Variants in CSMD2 observed in about 807,000 individuals in gnomAD.
The protein encoded by CSMD2 is CUB and sushi domain-containing protein 2.
Under a neutral mutation model 398.5 loss-of-function variants are expected in CSMD2, and 130 were observed. The observed-to-expected ratio is 0.33, with a 90% CI of 0.28 to 0.38. The LOEUF (loss-of-function observed/expected upper bound fraction) is 0.38, where lower values mean the gene tolerates loss of function less well. Ranked by LOEUF, CSMD2 falls within the 10% of genes least tolerant of loss-of-function variation. The pLI is 1.00. For missense variants in CSMD2, 3,829 were observed against 4,764.9 expected (o/e 0.80, Z 5.78); for synonymous variants, 1,828 against 1,908.5 (o/e 0.96, Z 1.10).
intron 3 of CSMD2, among the ~76,000 whole-genome samples, chr1:33,984,149 G>C (rs1646266999): frequency 7.7e-6 from 1 of 129,150 alleles, no homozygotes. Flanking sequence ...GCGAGACTCT[G>C]TCTCCCCCCA....
At chr1:34,089,878 C>T (rs557755345) in intron 1 of CSMD2, among the ~76,000 whole-genome samples, 28 of 152,276 alleles carry the variant, frequency 1.8e-4, no homozygotes, top group African/African-American at 6.7e-4. Context: ...ATTCCCTACC[C>T]CACTCCTCGT....
chr1:33,707,256 C>T (rs1645817921), intron 22 of CSMD2, among the ~76,000 whole-genome samples: 1 of 152,198 alleles, frequency 6.6e-6, no homozygotes, highest in South Asian at 2.1e-4. Context: ...CCCTTCAAAA[C>T]CTGAAAATTG....
In CSMD2 at chr1:33,605,963, A is replaced by C. The variant is rs780238316; in HGVS notation, c.6344-493T>G. 1.5e-5 allele frequency: 24 copies of C among 1,613,552 alleles called. No individual in the cohort carries two copies. In the African/African-American group the frequency reaches 3.1e-4, roughly 21 times the overall value. On this transcript the variant is annotated intron_variant, in intron 41 of 70. Coordinates refer to ENST00000373381, the MANE Select transcript of CSMD2 (RefSeq NM_001281956.2). ...AGAGATCAAAACCTCTCAGGAAGGA[A>C]GAAATCTGGTGGGAGTAAGTCAAAT... is the stretch of plus-strand genomic sequence containing the variant.
intron 6 of CSMD2, among the ~76,000 whole-genome samples, chr1:33,836,170 G>A (rs1404204210): frequency 6.6e-6 from 1 of 152,220 alleles, no homozygotes; most frequent in African/African-American, 2.4e-5. Flanking sequence ...GAAGCCTGCA[G>A]AACAGCAGAT....
intron 2 of CSMD2, among the ~76,000 whole-genome samples, chr1:34,055,267 C>T (rs1174458010): frequency 1.3e-5 from 2 of 152,238 alleles, no homozygotes; most frequent in Non-Finnish European, 2.9e-5. Flanking sequence ...ACTTCTGTAA[C>T]CAAATGGAGG....
chr1:33,700,441 C>A (rs941385476), intron 23 of CSMD2, 76 bp downstream of exon 23: 2 of 1,507,284 alleles, frequency 1.3e-6, no homozygotes, highest in Non-Finnish European at 1.8e-6. Flanking sequence ...ATCTCGTGAG[C>A]AAGCAGAAGC....
intron 25 of CSMD2, 98 bp downstream of exon 25, chr1:33,692,832 C>G (rs1645285476): frequency 1.4e-6 from 2 of 1,457,874 alleles, no homozygotes; most frequent in Admixed American, 2.0e-5. Context: ...CCAGGTGAGG[C>G]AGGCAGGCCA....
chr1:33,807,049 A>G (rs1263219497), intron 10 of CSMD2, among the ~76,000 whole-genome samples: 1 of 152,248 alleles, frequency 6.6e-6, no homozygotes, highest in Admixed American at 6.5e-5. Flanking sequence ...ACCTAGACAC[A>G]TAAGGGTGAA....
At chr1:34,063,326 C>G (rs1252404382) in intron 2 of CSMD2, among the ~76,000 whole-genome samples, 2 of 152,222 alleles carry the variant, frequency 1.3e-5, no homozygotes, top group Non-Finnish European at 2.9e-5. Context: ...AAAGTCTCAT[C>G]TGAGACAAGG....
intron 21 of CSMD2, 150 bp downstream of exon 21, chr1:33,714,437 T>C: frequency 1.1e-6 from 1 of 883,324 alleles, no homozygotes; most frequent in Non-Finnish European, 1.8e-6. Context: ...GGAGGTTAGG[T>C]TACCTGCCCC....
chr1:33,660,035 G>C (rs577558539), intron 26 of CSMD2, among the ~76,000 whole-genome samples: 2 of 152,194 alleles, frequency 1.3e-5, no homozygotes, highest in Non-Finnish European at 2.9e-5. Flanking sequence ...ACATGTAAAT[G>C]TTCCCCTAGA....
At position 34,125,507 on chromosome 1, in the gene CSMD2, CTGTGTG is replaced by C. The variant is rs35436778; in HGVS notation, c.188-36320_188-36315del. On this transcript the variant is annotated intron_variant, in intron 1 of 70. Transcript: ENST00000373381. ...CAAGCACACTTCCCATCAACCTTGG[CTGTGTG>C]TGTGTGTGTGTGTGTGTGTGTGTGT... Among the ~76,000 whole-genome samples, 934 of 141,146 alleles carry C rather than the reference CTGTGTG, an allele frequency of 6.6e-3. 3 individuals are homozygous for C. The highest frequency in any genetic ancestry group is 0.021 in the East Asian group (94 of 4,482). 92.6% of individuals were successfully genotyped at this position (141,146 alleles called of 152,430 possible).
chr1:33,961,921 T>C (rs1570641328), intron 3 of CSMD2, among the ~76,000 whole-genome samples: 1 of 152,160 alleles, frequency 6.6e-6, no homozygotes, highest in Non-Finnish European at 1.5e-5. Context: ...CAGCCTCACA[T>C]ATTCCTTTAT....
chr1:33,553,250 A>G (rs1045643622), intron 55 of CSMD2, among the ~76,000 whole-genome samples: 4 of 152,160 alleles, frequency 2.6e-5, no homozygotes, highest in Admixed American at 2.6e-4. Flanking sequence ...TGCTCACTTC[A>G]TGTCTCTGCA....
intron 5 of CSMD2, chr1:33,882,100 T>C (rs1461977318): frequency 6.6e-6 from 1 of 152,230 alleles, no homozygotes; most frequent in African/African-American, 2.4e-5. Context: ...CATTTCACGT[T>C]TTAATTCCTA....
At chr1:34,153,637 C>T (rs891529951) in intron 1 of CSMD2, among the ~76,000 whole-genome samples, 4 of 152,210 alleles carry the variant, frequency 2.6e-5, no homozygotes, top group Admixed American at 6.5e-5. Context: ...CCTGCCCATT[C>T]TCTAGGTATA....
chr1:33,534,012 C>T, intron 62 of CSMD2, 105 bp from the exon 63 acceptor site: 3 of 657,474 alleles, frequency 4.6e-6, no homozygotes, highest in Non-Finnish European at 8.1e-6. Context: ...GCACTGTTGC[C>T]TGCAAAACTC....
intron 3 of CSMD2, among the ~76,000 whole-genome samples, chr1:34,016,142 C>T (rs10914842): frequency 0.22 from 33,353 of 151,740 alleles, 4,369 homozygotes; most frequent in East Asian, 0.58. Flanking sequence ...GAAACATATA[C>T]GTTTTTAAAT....
chr1:34,125,408 C>T (rs968582869), intron 1 of CSMD2, among the ~76,000 whole-genome samples: 1 of 152,138 alleles, frequency 6.6e-6, no homozygotes, highest in Non-Finnish European at 1.5e-5. Context: ...ATATGGGGCT[C>T]CTTCATTTGG....
Sources: allele counts gnomAD v4.1 joint callset (sites outside exome capture counted in the v4.1 genomes callset), GRCh38; gene constraint gnomAD v4.1.1; transcripts MANE v1.5; gene names NCBI Gene and HGNC (gene_info 2026-07-23, HGNC 2026-07-21).